Variants in FTO observed in about 807,000 individuals in gnomAD.
FTO encodes the protein FTO alpha-ketoglutarate dependent dioxygenase.
FTO carries 47 observed loss-of-function variants against 63.9 expected under a neutral mutation model. The ratio of observed to expected loss-of-function variants is 0.74; its 90% CI spans 0.58 to 0.94. The LOEUF is 0.94. Ranked by LOEUF, FTO falls within the 40% of genes least tolerant of loss-of-function variation. The pLI, the probability that FTO is intolerant of heterozygous loss-of-function variation, is 0.00. For synonymous variants in FTO, 207 were observed against 224.4 expected, an observed-to-expected ratio of 0.92 and a Z score of 0.69; for missense variants, 562 against 618.1, an observed-to-expected ratio of 0.91 and a Z score of 0.96.
intron 8 of FTO, among the ~76,000 whole-genome samples, chr16:54,104,542 A>T (rs1253248791): frequency 2.6e-5 from 4 of 151,776 alleles, no homozygotes; most frequent in African/African-American, 9.7e-5. Context: ...CGAACTCCTG[A>T]CCTCGTGATC....
At chr16:53,883,649 A>AAAAAAAAAC (rs2080919820) in intron 6 of FTO, among the ~76,000 whole-genome samples, 1 of 150,730 alleles carries the variant, frequency 6.6e-6, no homozygotes, top group African/African-American at 2.5e-5. Context: ...AAAAAAAAAA[A>AAAAAAAAAC]CAAATTTGTC....
chr16:54,041,515 A>C (rs1438667923), intron 8 of FTO, among the ~76,000 whole-genome samples: 1 of 152,152 alleles, frequency 6.6e-6, no homozygotes, highest in Admixed American at 6.5e-5. Context: ...AAAGAAATAC[A>C]TGGCTATGAG....
At chr16:53,844,996 T>C (rs2079581990) in intron 4 of FTO, among the ~76,000 whole-genome samples, 1 of 152,076 alleles carries the variant, frequency 6.6e-6, no homozygotes. Context: ...TCTCGACTTG[T>C]CATTTAGTTC....
At chr16:53,973,354 A>T (rs543911143) in intron 8 of FTO, among the ~76,000 whole-genome samples, 7 of 152,336 alleles carry the variant, frequency 4.6e-5, no homozygotes, top group African/African-American at 1.4e-4. Flanking sequence ...TTAGACTCCC[A>T]GATAAGTCTC....
intron 8 of FTO, among the ~76,000 whole-genome samples, chr16:53,964,550 A>G (rs745621487): frequency 5.9e-5 from 9 of 152,084 alleles, no homozygotes; most frequent in Non-Finnish European, 1.3e-4. Flanking sequence ...ATTTTTTTAA[A>G]TCTCTTGTTT....
At chr16:53,822,589 G>T (rs1447993994) in intron 2 of FTO, among the ~76,000 whole-genome samples, 1 of 152,194 alleles carries the variant, frequency 6.6e-6, no homozygotes, top group African/African-American at 2.4e-5. Flanking sequence ...ATGAGCCAGT[G>T]TGGACTGACT....
At chr16:53,987,725 A>C (rs1416004123) in intron 8 of FTO, among the ~76,000 whole-genome samples, 1 of 152,156 alleles carries the variant, frequency 6.6e-6, no homozygotes, top group Non-Finnish European at 1.5e-5. Context: ...AGAGTCAAGA[A>C]GCAGCCGAGA....
At chr16:53,742,886 T>G (rs2076558586) in intron 1 of FTO, among the ~76,000 whole-genome samples, 1 of 152,148 alleles carries the variant, frequency 6.6e-6, no homozygotes, top group African/African-American at 2.4e-5. Context: ...CCTTTAGTTC[T>G]TGGAATGGGC....
At chr16:53,953,048 C>T (rs1000932795) in intron 8 of FTO, among the ~76,000 whole-genome samples, 1 of 152,166 alleles carries the variant, frequency 6.6e-6, no homozygotes, top group Non-Finnish European at 1.5e-5. Flanking sequence ...CCAAGTCACC[C>T]TCCCCACGGG....
chr16:53,780,789 A>C (rs551446078), intron 1 of FTO, among the ~76,000 whole-genome samples: 1 of 152,240 alleles, frequency 6.6e-6, no homozygotes, highest in South Asian at 2.1e-4. Flanking sequence ...GATTTTGGAG[A>C]AGTTACTTAA....
chr16:54,037,156 T>A (rs1484954043), intron 8 of FTO, among the ~76,000 whole-genome samples: 2 of 152,214 alleles, frequency 1.3e-5, no homozygotes, highest in Admixed American at 6.5e-5. Context: ...GAGAGAATTC[T>A]GATTGTTTCA....
At chr16:53,891,893 C>T (rs2081159069) in intron 7 of FTO, among the ~76,000 whole-genome samples, 1 of 152,082 alleles carries the variant, frequency 6.6e-6, no homozygotes, top group Non-Finnish European at 1.5e-5. Flanking sequence ...GCTGGTTTCC[C>T]AGAAGTTGGC....
chr16:53,813,941 T>C (rs2078602806), intron 2 of FTO, among the ~76,000 whole-genome samples: 1 of 152,026 alleles, frequency 6.6e-6, no homozygotes, highest in Admixed American at 6.6e-5. Flanking sequence ...GGTGGGAGGA[T>C]CATTTGAGCC....
chr16:53,755,711 C>T (rs1302921529), intron 1 of FTO, among the ~76,000 whole-genome samples: 2 of 152,132 alleles, frequency 1.3e-5, no homozygotes, highest in African/African-American at 4.8e-5. Context: ...GGGGTGTGGC[C>T]ATGTGACTGA....
chr16:54,042,140 C>A (rs960276149), intron 8 of FTO, among the ~76,000 whole-genome samples: 1 of 151,936 alleles, frequency 6.6e-6, no homozygotes, highest in African/African-American at 2.4e-5. Context: ...CGGTCTACAG[C>A]TCCCAGCGTG....
At chr16:54,038,086 G>A (rs896614562) in intron 8 of FTO, among the ~76,000 whole-genome samples, 8 of 152,110 alleles carry the variant, frequency 5.3e-5, no homozygotes, top group Non-Finnish European at 7.3e-5. Flanking sequence ...CCTTTATTCC[G>A]GCAGTGAACA....
At chr16:54,096,633 T>C (rs565110842) in intron 8 of FTO, among the ~76,000 whole-genome samples, 74 of 152,208 alleles carry the variant, frequency 4.9e-4, no homozygotes, top group Non-Finnish European at 2.6e-4. Flanking sequence ...AATCAGAGTT[T>C]AAGAGTGAGT....
At chr16:54,054,625 T>G (rs1194951767) in intron 8 of FTO, 1 of 152,198 alleles carries the variant, frequency 6.6e-6, no homozygotes, top group African/African-American at 2.4e-5. Flanking sequence ...AGTCCAGATT[T>G]GTAAGGCTAA....
intron 2 of FTO, among the ~76,000 whole-genome samples, chr16:53,810,860 C>T (rs565276010): frequency 1.8e-4 from 27 of 152,196 alleles, no homozygotes; most frequent in Non-Finnish European, 3.4e-4. Flanking sequence ...CTTAGCTTTC[C>T]TCAGTGTGAT....
Sources: allele counts gnomAD v4.1 joint callset (sites outside exome capture counted in the v4.1 genomes callset), GRCh38; gene constraint gnomAD v4.1.1; transcripts MANE v1.5; gene names NCBI Gene and HGNC (gene_info 2026-07-23, HGNC 2026-07-21).